The following FGF1 variants were observed in gnomAD, a reference collection of about 807,000 sequenced individuals.
FGF1 encodes the protein beta-endothelial cell growth factor.
Under a neutral mutation model 13.4 loss-of-function variants are expected in FGF1, and 9 were observed. The observed-to-expected ratio is 0.67, with a 90% CI of 0.40 to 1.17. The LOEUF (loss-of-function observed/expected upper bound fraction) is 1.17, where lower values mean the gene tolerates loss of function less well. Ranked by LOEUF, FGF1 falls within the 50% of genes most tolerant of loss-of-function variation. The pLI, the probability that FGF1 is intolerant of heterozygous loss-of-function variation, is 0.01. For synonymous variants in FGF1, 93 were observed against 79.0 expected (o/e 1.18, Z -0.94); for missense variants, 156 against 192.7 (o/e 0.81, Z 1.13).
chr5:142,613,756 G>A (rs17217247), intron 2 of FGF1, among the ~76,000 whole-genome samples: 1,799 of 152,334 alleles, frequency 0.012, 37 homozygotes, highest in African/African-American at 0.04. Context: ...AATAGGACAC[G>A]TTTGGGTAAG....
At chr5:142,631,778 GCT>G (rs1491570806) in intron 1 of FGF1, among the ~76,000 whole-genome samples, 1 of 123,392 alleles carries the variant, frequency 8.1e-6, no homozygotes, top group African/African-American at 2.9e-5. Context: ...ATTTAAATTA[GCT>G]TTTTTTTTTT....
intron 1 of FGF1, among the ~76,000 whole-genome samples, chr5:142,629,895 A>ATATAT (rs367828611): frequency 1.0e-4 from 13 of 127,842 alleles, no homozygotes; most frequent in African/African-American, 2.8e-4. Context: ...ATATATATAT[A>ATATAT]TTTTTTTTTT....
chr5:142,640,945 G>A (rs1765107205), intron 1 of FGF1, among the ~76,000 whole-genome samples: 1 of 152,018 alleles, frequency 6.6e-6, no homozygotes, highest in Non-Finnish European at 1.5e-5. Context: ...CATATACTTA[G>A]TAGATGCTCG....
At chr5:142,608,509 T>C (rs1758204673) in intron 2 of FGF1, among the ~76,000 whole-genome samples, 1 of 142,214 alleles carries the variant, frequency 7.0e-6, no homozygotes, top group African/African-American at 2.5e-5. Flanking sequence ...TATATATATA[T>C]GCATATACAT....
chr5:142,602,292 T>C (rs900918777), intron 2 of FGF1, among the ~76,000 whole-genome samples: 1 of 151,940 alleles, frequency 6.6e-6, no homozygotes, highest in African/African-American at 2.4e-5. Flanking sequence ...TTCTCCTGCC[T>C]CATCCTCCCC....
At chr5:142,666,121 AGT>A (rs1487671444) in intron 1 of FGF1, among the ~76,000 whole-genome samples, 2 of 60 alleles carry the variant, frequency 0.033, no homozygotes, top group African/African-American at 0.17. Flanking sequence ...CTTGCTGAAA[AGT>A]TCTCAGACTT....
intron 2 of FGF1, among the ~76,000 whole-genome samples, chr5:142,601,496 G>C (rs1003910767): frequency 8.5e-5 from 13 of 152,132 alleles, no homozygotes; most frequent in African/African-American, 3.1e-4. Context: ...TTCTGATGGG[G>C]GGAGAATGAA....
At position 142,674,039 on chromosome 5, in the gene FGF1, C is replaced by T. The variant is rs531664478; in HGVS notation, c.-35+11918G>A. On this transcript the variant is annotated intron_variant, in intron 1 of 3. Transcript: ENST00000337706. The stretch of plus-strand genomic sequence containing the variant: ...ACAGGCCCTCCCACCTGTTCTCCCT[C>T]CCTGAGGAACAGTCCTCACCCTGCT... 2.0e-5 allele frequency among the ~76,000 whole-genome samples: 3 copies of T among 152,312 alleles called. No individual in the cohort carries two copies. In the Middle Eastern group the frequency reaches 0.01, roughly 518 times the overall value.
intron 1 of FGF1, among the ~76,000 whole-genome samples, chr5:142,616,883 C>A (rs1760358227): frequency 6.6e-6 from 1 of 152,192 alleles, no homozygotes; most frequent in African/African-American, 2.4e-5. Context: ...TTTCCAAGCA[C>A]TTCCTAAGTT....
At chr5:142,615,277 G>A (rs1759992908) in intron 1 of FGF1, among the ~76,000 whole-genome samples, 1 of 152,030 alleles carries the variant, frequency 6.6e-6, no homozygotes. Flanking sequence ...GAGTGCAGTA[G>A]CACGATCTCA....
intron 1 of FGF1, among the ~76,000 whole-genome samples, chr5:142,642,230 G>C (rs1765316449): frequency 6.6e-6 from 1 of 152,158 alleles, no homozygotes; most frequent in Non-Finnish European, 1.5e-5. Flanking sequence ...CCAGGACCAG[G>C]AATGGCCCAG....
At chr5:142,664,131 A>C (rs143673391) in intron 1 of FGF1, among the ~76,000 whole-genome samples, 2 of 152,330 alleles carry the variant, frequency 1.3e-5, no homozygotes, top group East Asian at 1.9e-4. Flanking sequence ...GAGCCCAAGC[A>C]CAGATGAGCC....
intron 2 of FGF1, among the ~76,000 whole-genome samples, chr5:142,694,408 A>G (rs1402555880): frequency 6.6e-6 from 1 of 152,222 alleles, no homozygotes; most frequent in East Asian, 1.9e-4. Context: ...TGCTCTTTCC[A>G]AGATATGAAG....
At chr5:142,675,521 T>C (rs914534254) in intron 1 of FGF1, among the ~76,000 whole-genome samples, 1 of 152,162 alleles carries the variant, frequency 6.6e-6, no homozygotes, top group Admixed American at 6.5e-5. Flanking sequence ...TCCACAGCTA[T>C]GAGGCAGTCA....
intron 1 of FGF1, among the ~76,000 whole-genome samples, chr5:142,658,685 C>T (rs1768610910): frequency 6.6e-6 from 1 of 152,174 alleles, no homozygotes; most frequent in African/African-American, 2.4e-5. Context: ...AGGATATTTC[C>T]TTCGGTATCA....
At chr5:142,662,031 A>G (rs978143768) in intron 1 of FGF1, among the ~76,000 whole-genome samples, 1 of 150,798 alleles carries the variant, frequency 6.6e-6, no homozygotes, top group Admixed American at 6.6e-5. Context: ...ACACACAGAC[A>G]AAAAAAAACC....
At chr5:142,675,517 G>C (rs1229716869) in intron 1 of FGF1, among the ~76,000 whole-genome samples, 1 of 152,164 alleles carries the variant, frequency 6.6e-6, no homozygotes, top group African/African-American at 2.4e-5. Flanking sequence ...CATATCCACA[G>C]CTATGAGGCA....
rs142935959 is a variant in FGF1 at position 142,636,898 on chromosome 5, C to T, written c.-34-22737G>A. Among the ~76,000 whole-genome samples the T allele has an allele frequency of 2.0e-3, 305 of 152,066 alleles. 6 individuals are homozygous for T. The highest frequency in any genetic ancestry group is 7.1e-3 in the African/African-American group (294 of 41,344). On this transcript the variant is annotated intron_variant, in intron 1 of 3. Coordinates refer to ENST00000337706, the MANE Select transcript of FGF1 (RefSeq NM_000800.5). ...GTCCTGTAGGCACCTGTCTGAAGAACTGTGGGAAACTATGGAATACTCAGG... is the reference window on the plus strand; with the variant it reads ...GTCCTGTAGGCACCTGTCTGAAGAATTGTGGGAAACTATGGAATACTCAGG...
chr5:142,695,508 G>A (rs577327940), intron 2 of FGF1, among the ~76,000 whole-genome samples: 1 of 151,084 alleles, frequency 6.6e-6, no homozygotes, highest in Non-Finnish European at 1.5e-5. Context: ...CTTGAACCTG[G>A]GAGGCGGAGG....
Sources: allele counts gnomAD v4.1 joint callset (sites outside exome capture counted in the v4.1 genomes callset), GRCh38; gene constraint gnomAD v4.1.1; transcripts MANE v1.5; gene names NCBI Gene and HGNC (gene_info 2026-07-23, HGNC 2026-07-21).